The following DNAJB6 variants were observed in gnomAD, a reference collection of about 807,000 sequenced individuals.
DNAJB6 encodes DnaJ heat shock protein family (Hsp40) member B6.
DNAJB6 carries 16 observed loss-of-function variants against 42.7 expected under a neutral mutation model. The ratio of observed to expected loss-of-function variants is 0.37; its 90% CI spans 0.25 to 0.57. The LOEUF (loss-of-function observed/expected upper bound fraction) is 0.57. DNAJB6 is among the 20% of genes least tolerant of loss of function. The pLI, the probability that DNAJB6 is intolerant of heterozygous loss-of-function variation, is 0.74. For synonymous variants in DNAJB6, 170 were observed against 163.5 expected (o/e 1.04, Z -0.30); for missense variants, 347 against 416.8 (o/e 0.83, Z 1.46).
chr7:157,389,743 C>T (rs1311906863), intron 8 of DNAJB6, among the ~76,000 whole-genome samples: 3 of 152,192 alleles, frequency 2.0e-5, no homozygotes, highest in South Asian at 2.1e-4. Context: ...AGCAGCTATT[C>T]CTGTGTTAGA....
At chr7:157,392,758 T>G (rs1801409308) in intron 8 of DNAJB6, among the ~76,000 whole-genome samples, 1 of 152,148 alleles carries the variant, frequency 6.6e-6, no homozygotes, top group South Asian at 2.1e-4. Flanking sequence ...CCGAGAGCCA[T>G]GTGGCAGACT....
intron 8 of DNAJB6, among the ~76,000 whole-genome samples, chr7:157,389,694 C>T (rs575722206): frequency 2.6e-5 from 4 of 152,236 alleles, no homozygotes; most frequent in South Asian, 4.1e-4. Context: ...TACGTTATTT[C>T]GTCTTCCTGT....
chr7:157,348,412 A>G (rs1414771611), intron 1 of DNAJB6, among the ~76,000 whole-genome samples: 1 of 152,170 alleles, frequency 6.6e-6, no homozygotes, highest in Non-Finnish European at 1.5e-5. Context: ...TAATATTGCC[A>G]TATTTTAAAT....
At chr7:157,390,457 T>G (rs73505218) in intron 8 of DNAJB6, among the ~76,000 whole-genome samples, 6,807 of 152,150 alleles carry the variant, frequency 0.045, 345 homozygotes, top group East Asian at 0.18. Context: ...TCCTTCCTCT[T>G]CCCCCTAGCT....
intron 8 of DNAJB6, among the ~76,000 whole-genome samples, chr7:157,407,073 C>G (rs1442393400): frequency 6.6e-6 from 1 of 152,242 alleles, no homozygotes; most frequent in Non-Finnish European, 1.5e-5. Flanking sequence ...ACCTGCGGAG[C>G]AGGGGTGCGG....
intron 8 of DNAJB6, among the ~76,000 whole-genome samples, chr7:157,407,099 TGGG>T (rs775779480): frequency 2.0e-5 from 3 of 151,508 alleles, no homozygotes; most frequent in Non-Finnish European, 4.4e-5. Context: ...AGCTGGGAGG[TGGG>T]GGGGGTCCCA....
chr7:157,349,422 G>C (rs1464883982), intron 1 of DNAJB6, among the ~76,000 whole-genome samples: 2 of 152,128 alleles, frequency 1.3e-5, no homozygotes, highest in Non-Finnish European at 1.5e-5. Context: ...CCTGCCCAAA[G>C]GTAATGGGAA....
intron 8 of DNAJB6, 142 bp from the exon 9 acceptor site, chr7:157,409,653 A>C: frequency 4.2e-6 from 4 of 943,920 alleles, no homozygotes; most frequent in African/African-American, 1.7e-5. Context: ...CACTGAAGAA[A>C]GGAGATAACC....
At chr7:157,349,732 C>T (rs533040672) in intron 1 of DNAJB6, among the ~76,000 whole-genome samples, 1 of 152,282 alleles carries the variant, frequency 6.6e-6, no homozygotes, top group South Asian at 2.1e-4. Context: ...GCAACCTCCG[C>T]CTCCCGGGTT....
chr7:157,345,970 C>T (rs1798662450), intron 1 of DNAJB6, among the ~76,000 whole-genome samples: 1 of 151,980 alleles, frequency 6.6e-6, no homozygotes, highest in Admixed American at 6.6e-5. Context: ...GGGTGGAGGG[C>T]TGGAGTCCAG....
chr7:157,381,255 G>T (rs1435448476), intron 5 of DNAJB6: 1 of 152,112 alleles, frequency 6.6e-6, no homozygotes, highest in Non-Finnish European at 1.5e-5. Flanking sequence ...GCTCTGGCCT[G>T]CAAGTAGGCC....
chr7:157,416,199 G>C lies in DNAJB6; in HGVS notation c.*101G>C. On this transcript the variant is annotated 3_prime_UTR_variant, in exon 10 of 10. Transcript: ENST00000262177. ...CTAGGTAGCAGCGTCGGTCAGGACT[G>C]TCTCGAGGCCACACTCGCTCGGCAG... The C allele has an allele frequency of 6.6e-7, 1 of 1,522,398 alleles. No homozygotes were observed. Among genetic ancestry groups the C allele is most frequent in the Middle Eastern group, 2.2e-4 (1 of 4,494 alleles). 94.3% of individuals were successfully genotyped at this position (1,522,398 alleles called of 1,614,324 possible).
intron 6 of DNAJB6, chr7:157,382,881 T>C (rs1403040318): frequency 6.6e-6 from 1 of 152,310 alleles, no homozygotes; most frequent in Non-Finnish European, 1.5e-5. Context: ...GGAAACAAGC[T>C]TGTAGACTGG....
Position 157,374,083 on chromosome 7 carries a change from G to T in DNAJB6, c.346+6600G>T, listed in dbSNP as rs544001335. ...ACGAGACTGGTTTCCAGCTAAAGTT[G>T]TTGGAACCATCCTTGTGTGTAATTT... is the stretch of plus-strand genomic sequence containing the variant. On this transcript the variant is annotated intron_variant, in intron 5 of 9. Coordinates refer to ENST00000262177, the MANE Select transcript of DNAJB6 (RefSeq NM_058246.4). 3.3e-5 allele frequency among the ~76,000 whole-genome samples: 5 copies of T among 152,298 alleles called. No individual in the cohort carries two copies. The South Asian group carries it at 6.2e-4, about 19-fold the overall frequency.
intron 8 of DNAJB6, among the ~76,000 whole-genome samples, chr7:157,398,697 G>A (rs1392030365): frequency 1.3e-5 from 2 of 152,112 alleles, no homozygotes; most frequent in East Asian, 3.8e-4. Flanking sequence ...ATGTTTTCTG[G>A]TATATTTAGT....
At position 157,409,588 on chromosome 7, in the gene DNAJB6, T is replaced by A. The variant is rs7791587; in HGVS notation, c.692-207T>A. Among the ~76,000 whole-genome samples the A allele has an allele frequency of 0.63, 95,253 of 152,132 alleles. 30,180 individuals are homozygous for A. Among genetic ancestry groups the A allele is most frequent in the Admixed American group, 0.73 (11,217 of 15,284 alleles). ...CAGGAGAGAGAGAGGGGTGATTTTC[T>A]GATGACTCACTTTTTTCCCACTCTT... On this transcript the variant is annotated intron_variant, in intron 8 of 9. Transcript: ENST00000262177.
intron 8 of DNAJB6, among the ~76,000 whole-genome samples, chr7:157,403,611 A>C (rs779616808): frequency 2.6e-5 from 4 of 152,120 alleles, no homozygotes; most frequent in Non-Finnish European, 5.9e-5. Context: ...AGCTGGGACC[A>C]CAGGTGTGCA....
intron 8 of DNAJB6, among the ~76,000 whole-genome samples, chr7:157,387,561 C>G (rs946471394): frequency 3.9e-5 from 6 of 152,156 alleles, no homozygotes; most frequent in African/African-American, 1.4e-4. Context: ...CTTGAGACAT[C>G]CAGGGATGTC....
In DNAJB6 at chr7:157,416,199, G is replaced by T. The variant is rs1287879184; in HGVS notation, c.*101G>T. ...CTAGGTAGCAGCGTCGGTCAGGACT[G>T]TCTCGAGGCCACACTCGCTCGGCAG... On this transcript the variant is annotated 3_prime_UTR_variant, in exon 10 of 10. Coordinates refer to ENST00000262177, the MANE Select transcript of DNAJB6 (RefSeq NM_058246.4). 31 of 1,522,280 alleles carry T rather than the reference G, an allele frequency of 2.0e-5. No individual in the cohort carries two copies. Among genetic ancestry groups the T allele is most frequent in the Non-Finnish European group, 2.7e-5 (30 of 1,124,954 alleles). 94.3% of individuals were successfully genotyped at this position (1,522,280 alleles called of 1,614,324 possible). A position where few individuals can be genotyped will look rare whatever the true frequency, so the allele number is the denominator to read the frequency against.
Sources: gnomAD v4.1 joint callset for allele counts (sites outside exome capture counted in the v4.1 genomes callset) on GRCh38, gnomAD v4.1.1 for gene constraint, MANE v1.5 for transcripts, NCBI Gene and HGNC (gene_info 2026-07-23, HGNC 2026-07-21) for gene names.